SUFU: variants seen among roughly 807,000 people sequenced by gnomAD.
SUFU encodes suppressor of fused homolog.
Under a neutral mutation model 58.9 loss-of-function variants are expected in SUFU, and 7 were observed. The observed-to-expected ratio is 0.12, with a 90% CI of 0.07 to 0.22. SUFU has a LOEUF of 0.22. Among genes scored for constraint, SUFU ranks in the 10% least tolerant of loss-of-function variants. SUFU has a pLI of 1.00. For synonymous variants in SUFU, 232 were observed against 254.8 expected (o/e 0.91, Z 0.85); for missense variants, 451 against 641.3 (o/e 0.70, Z 3.20).
At chr10:102,570,635 C>T (rs1476452618) in intron 3 of SUFU, among the ~76,000 whole-genome samples, 1 of 152,104 alleles carries the variant, frequency 6.6e-6, no homozygotes, top group Non-Finnish European at 1.5e-5. Context: ...TTCCTCTTCT[C>T]GATGCTTCCC....
At chr10:102,624,982 G>T (rs747508397) in intron 10 of SUFU, among the ~76,000 whole-genome samples, 1 of 152,192 alleles carries the variant, frequency 6.6e-6, no homozygotes, top group Non-Finnish European at 1.5e-5. Context: ...GCCCGGCCCA[G>T]ACTGGAGCCA....
At chr10:102,568,939 T>TGTACAC (rs1554849287) in intron 3 of SUFU, among the ~76,000 whole-genome samples, 1 of 43,762 alleles carries the variant, frequency 2.3e-5, no homozygotes, top group Non-Finnish European at 4.4e-5. Flanking sequence ...TATATATATA[T>TGTACAC]ATATATATAT....
In SUFU at chr10:102,516,162, G is replaced by T. The variant is rs1276564497; in HGVS notation, c.317+6859G>T. ...TTTTTTTGAGATAGAGTCTTCCTTT[G>T]TTGCCGAGGCTGGAGTGCAGTGACA... On this transcript the variant is annotated intron_variant, in intron 2 of 11. Coordinates refer to ENST00000369902, the MANE Select transcript of SUFU (RefSeq NM_016169.4). 2.8e-4 allele frequency among the ~76,000 whole-genome samples: 24 copies of T among 86,834 alleles called. No homozygotes were observed. In the South Asian group the frequency reaches 5.5e-3, roughly 20 times the overall value. The allele number at this position is 86,834 out of a possible 152,430, so 57.0% of individuals were successfully genotyped here.
chr10:102,520,625 C>G (rs2062540497), intron 2 of SUFU, among the ~76,000 whole-genome samples: 2 of 152,150 alleles, frequency 1.3e-5, no homozygotes, highest in Non-Finnish European at 2.9e-5. Flanking sequence ...GTTCATTCCT[C>G]CCTCCCCCGA....
chr10:102,503,967 C>G, upstream of SUFU: 1 of 833,794 alleles, frequency 1.2e-6, no homozygotes, highest in Non-Finnish European at 1.7e-6. Flanking sequence ...GAGGCACCCT[C>G]TGGCAGACTC....
chr10:102,582,850 G>C (rs934078237), intron 3 of SUFU, among the ~76,000 whole-genome samples: 1 of 152,150 alleles, frequency 6.6e-6, no homozygotes, highest in Non-Finnish European at 1.5e-5. Context: ...CTGGAATGGC[G>C]ACGTTCTTTC....
intron 3 of SUFU, among the ~76,000 whole-genome samples, chr10:102,550,742 CTTT>C (rs34653144): frequency 1.4e-5 from 2 of 139,328 alleles, no homozygotes; most frequent in Non-Finnish European, 3.1e-5. Context: ...GTTACAGTGA[CTTT>C]TTTTTTTTTT....
chr10:102,540,078 CCTTA>C (rs1321946504), intron 2 of SUFU, among the ~76,000 whole-genome samples: 2 of 152,166 alleles, frequency 1.3e-5, no homozygotes, highest in Non-Finnish European at 2.9e-5. Flanking sequence ...TGAACCACTT[CCTTA>C]CTTTCTGGCA....
intron 3 of SUFU, among the ~76,000 whole-genome samples, chr10:102,562,399 C>T (rs566824295): frequency 6.6e-5 from 10 of 152,176 alleles, no homozygotes; most frequent in African/African-American, 2.4e-4. Context: ...TGGCACGCAC[C>T]TGTAGTCCCA....
At chr10:102,604,673 A>C (rs894511449) in intron 8 of SUFU, among the ~76,000 whole-genome samples, 1 of 152,188 alleles carries the variant, frequency 6.6e-6, no homozygotes, top group African/African-American at 2.4e-5. Context: ...CAGAAAAAGG[A>C]AAGCTGGGGT....
chr10:102,551,908 G>A (rs2062922080), intron 3 of SUFU, among the ~76,000 whole-genome samples: 1 of 151,024 alleles, frequency 6.6e-6, no homozygotes, highest in Non-Finnish European at 1.5e-5. Flanking sequence ...GTATATTTTA[G>A]TAGAGACGGG....
intron 2 of SUFU, among the ~76,000 whole-genome samples, chr10:102,510,843 G>A (rs1459998660): frequency 1.3e-5 from 2 of 151,238 alleles, no homozygotes; most frequent in African/African-American, 4.9e-5. Context: ...TAATTAGGCT[G>A]GGTGTGGTGG....
At chr10:102,504,381 G>C (rs748337597) in intron 1 of SUFU, 47 bp downstream of exon 1, 16 of 1,608,130 alleles carry the variant, frequency 9.9e-6, no homozygotes, top group Non-Finnish European at 1.3e-5. Context: ...GCTGGAAAGG[G>C]TTAAAGCGCC....
Position 102,632,886 on chromosome 10 carries a change from AG to A in SUFU, c.*2737del, listed in dbSNP as rs990800177. On this transcript the variant is annotated 3_prime_UTR_variant, in exon 12 of 12. Coordinates refer to ENST00000369902, the MANE Select transcript of SUFU (RefSeq NM_016169.4). ...GACTGCAGACTCAGCTGCAATTCTG[AG>A]GGGGGTTTGGGAGGCTTGTGCGAGG... The A allele has an allele frequency of 3.9e-5, 9 of 233,094 alleles. No individual in the cohort carries two copies. Among genetic ancestry groups the A allele is most frequent in the African/African-American group, 1.3e-4 (6 of 45,208 alleles). 14.4% of individuals were successfully genotyped at this position (233,094 alleles called of 1,614,324 possible).
chr10:102,633,389 G>C lies in SUFU; in HGVS notation c.*3234G>C, dbSNP rs928262625. 4.3e-6 allele frequency: 1 copy of C among 233,324 alleles called. No homozygotes were observed. The highest frequency in any genetic ancestry group is 2.2e-5 in the African/African-American group (1 of 45,326). The allele number at this position is 233,324 out of a possible 1,614,324, so 14.5% of individuals were successfully genotyped here. ...TAAGAATTTTTGGGTGACTCACTTA[G>C]ATGTCGTTTCCTTCTTGCCCCCTCT... is the stretch of plus-strand genomic sequence containing the variant. On this transcript the variant is annotated 3_prime_UTR_variant, in exon 12 of 12. Coordinates refer to ENST00000369902, the MANE Select transcript of SUFU (RefSeq NM_016169.4).
chr10:102,595,783 T>C (rs2063454977), intron 6 of SUFU, among the ~76,000 whole-genome samples: 7 of 152,196 alleles, frequency 4.6e-5, no homozygotes, highest in Admixed American at 4.6e-4. Flanking sequence ...TCAGTCTCTT[T>C]AGAGCTGGCA....
rs551510123 is a variant in SUFU at position 102,507,916 on chromosome 10, G to A, written c.183-1253G>A. Reference sequence around the variant, plus strand: ...TAAATGCAGACTTCCTTCCACTGATGGTTTCTATTTGGTCTATTTCTCTAG... The same window carrying A: ...TAAATGCAGACTTCCTTCCACTGATAGTTTCTATTTGGTCTATTTCTCTAG... On this transcript the variant is annotated intron_variant, in intron 1 of 11. Coordinates refer to ENST00000369902, the MANE Select transcript of SUFU (RefSeq NM_016169.4). 2.3e-4 allele frequency among the ~76,000 whole-genome samples: 34 copies of A among 150,248 alleles called. No homozygotes were observed. The South Asian group carries it at 6.1e-3, about 27-fold the overall frequency.
intron 10 of SUFU, chr10:102,618,105 T>C (rs2063705739): frequency 6.5e-6 from 1 of 154,252 alleles, no homozygotes; most frequent in African/African-American, 2.4e-5. Flanking sequence ...CTCTAACAGG[T>C]GCTCAACCTA....
Position 102,623,871 on chromosome 10 carries a change from C to T in SUFU, c.1297-3304C>T, listed in dbSNP as rs529739181. ...AGGAGAATCGCTTGAACCCAGGAGGCGGAGGTTGCAATGAGCCAAGATTGT... is the reference window on the plus strand; with the variant it reads ...AGGAGAATCGCTTGAACCCAGGAGGTGGAGGTTGCAATGAGCCAAGATTGT... On this transcript the variant is annotated intron_variant, in intron 10 of 11. Transcript: ENST00000369902. Among the ~76,000 whole-genome samples the T allele has an allele frequency of 3.9e-5, 6 of 152,196 alleles. No homozygotes were observed. The South Asian group carries it at 1.0e-3, about 26-fold the overall frequency.
Sources: allele counts gnomAD v4.1 joint callset (sites outside exome capture counted in the v4.1 genomes callset), GRCh38; gene constraint gnomAD v4.1.1; transcripts MANE v1.5; gene names NCBI Gene and HGNC (gene_info 2026-07-23, HGNC 2026-07-21).